Variants in FBXO34 observed in about 807,000 individuals in gnomAD.
FBXO34 encodes the protein F-box protein 34, also known as F-box only protein 34.
Under a neutral mutation model 24.5 loss-of-function variants are expected in FBXO34, and 12 were observed. That is an observed-to-expected ratio of 0.49 (90% confidence interval 0.31 to 0.79). The LOEUF (loss-of-function observed/expected upper bound fraction) is 0.79, where lower values mean the gene tolerates loss of function less well. Ranked by LOEUF, FBXO34 falls within the 30% of genes least tolerant of loss-of-function variation. The probability of loss-of-function intolerance (pLI) is 0.04; values close to 1 mark genes in which losing one functional copy is unlikely to be tolerated. For synonymous variants in FBXO34, 320 were observed against 311.9 expected, an observed-to-expected ratio of 1.03 and a Z score of -0.27; for missense variants, 823 against 857.7, an observed-to-expected ratio of 0.96 and a Z score of 0.51.
chr14:55,359,953 G>T (rs1339290382), intron 3 of FBXO34, among the ~76,000 whole-genome samples: 1 of 150,594 alleles, frequency 6.6e-6, no homozygotes, highest in East Asian at 1.9e-4. Context: ...GGTAGTGTAT[G>T]CCAATAGTCC....
Position 55,296,391 on chromosome 14 carries a change from GTTTTTTT to G in FBXO34, c.-11+24872_-11+24878del, listed in dbSNP as rs1167344634. ...GTTTTGCTGTTCTTGTGTTTTTTTT[GTTTTTTT>G]TTTTTTTTTTTTTTTTTGAGACAGT... On this transcript the variant is annotated intron_variant, in intron 1 of 1. Coordinates refer to ENST00000313833, the MANE Select transcript of FBXO34 (RefSeq NM_017943.4). Among the ~76,000 whole-genome samples, 84 of 64,756 alleles carry G rather than the reference GTTTTTTT, an allele frequency of 1.3e-3. 3 individuals carry two copies. In the South Asian group the frequency reaches 0.038, roughly 29 times the overall value. The allele number at this position is 64,756 out of a possible 152,430, so 42.5% of individuals were successfully genotyped here.
chr14:55,301,033 A>T (rs147236848), intron 1 of FBXO34, among the ~76,000 whole-genome samples: 1 of 152,330 alleles, frequency 6.6e-6, no homozygotes. Context: ...GAGAATTTGT[A>T]AGGTGAAATG....
At chr14:55,358,088 C>T (rs540858006), downstream of FBXO34, among the ~76,000 whole-genome samples, 4 of 152,050 alleles carry the variant, frequency 2.6e-5, no homozygotes, top group Admixed American at 6.5e-5. Context: ...CAATCCTCCC[C>T]TATACAGACA....
At chr14:55,385,154 A>G in the FBXO34 span, among the ~76,000 whole-genome samples, 1 of 152,226 alleles carries the variant, frequency 6.6e-6, no homozygotes, top group African/African-American at 2.4e-5. Context: ...TGTATTTGTC[A>G]TGATTTCTCT....
At chr14:55,411,151 A>G in the FBXO34 span, among the ~76,000 whole-genome samples, 2 of 152,240 alleles carry the variant, frequency 1.3e-5, no homozygotes, top group South Asian at 4.1e-4. Context: ...GTGACAGACT[A>G]CCAGGCCCAA....
chr14:55,289,844 G>A (rs141793791), intron 1 of FBXO34, among the ~76,000 whole-genome samples: 6 of 151,876 alleles, frequency 4.0e-5, no homozygotes, highest in African/African-American at 1.4e-4. Flanking sequence ...CCCAAGCCCA[G>A]TCACTGTCTA....
At chr14:55,382,303 T>C in the FBXO34 span, 2 of 845,618 alleles carry the variant, frequency 2.4e-6, no homozygotes, top group Non-Finnish European at 3.7e-6. Context: ...GCACAGAAAT[T>C]TTACATTAAA....
At chr14:55,285,859 G>T (rs1020480135) in intron 1 of FBXO34, among the ~76,000 whole-genome samples, 1 of 152,172 alleles carries the variant, frequency 6.6e-6, no homozygotes, top group East Asian at 1.9e-4. Flanking sequence ...TCATAATCCA[G>T]TGAGAATTCC....
the FBXO34 span, among the ~76,000 whole-genome samples, chr14:55,397,017 A>G: frequency 6.6e-6 from 1 of 152,254 alleles, no homozygotes; most frequent in African/African-American, 2.4e-5. Context: ...TGATATGGAC[A>G]AAAGAAGAAT....
the FBXO34 span, chr14:55,428,999 A>G: frequency 6.2e-7 from 1 of 1,612,920 alleles, no homozygotes; most frequent in Non-Finnish European, 8.5e-7. Context: ...ATATGTTTAA[A>G]GATGTCTTAA....
chr14:55,436,528 A>G, the FBXO34 span: 1 of 1,569,482 alleles, frequency 6.4e-7, no homozygotes, highest in Non-Finnish European at 8.8e-7. Context: ...TGTGTACCCA[A>G]TGTGCTCAAT....
the FBXO34 span, among the ~76,000 whole-genome samples, chr14:55,395,401 G>A: frequency 6.6e-6 from 1 of 152,230 alleles, no homozygotes; most frequent in Admixed American, 6.5e-5. Flanking sequence ...TGCCCAGGCT[G>A]GAGTGCTGTG....
chr14:55,435,859 T>G, the FBXO34 span: 7 of 1,567,230 alleles, frequency 4.5e-6, 1 homozygote, highest in Non-Finnish European at 6.0e-6. Context: ...TTGGGTTATA[T>G]TCTGCATTTT....
At chr14:55,312,672 T>A (rs1882787827) in intron 1 of FBXO34, among the ~76,000 whole-genome samples, 1 of 152,226 alleles carries the variant, frequency 6.6e-6, no homozygotes, top group Non-Finnish European at 1.5e-5. Flanking sequence ...CAACACCATG[T>A]GTAAGCTGCC....
chr14:55,368,886 T>TC (rs770670215), downstream of FBXO34: 4 of 152,340 alleles, frequency 2.6e-5, no homozygotes, highest in Non-Finnish European at 4.4e-5. Flanking sequence ...TAAGCTTAAT[T>TC]CCCCTCAGAA....
downstream of FBXO34, among the ~76,000 whole-genome samples, chr14:55,362,835 A>AT (rs557241814): frequency 6.6e-4 from 98 of 148,704 alleles, 1 homozygote; most frequent in South Asian, 0.011. Context: ...TGTCTTGACA[A>AT]TTTTTTTTTT....
At chr14:55,301,423 T>A (rs1882351089) in intron 1 of FBXO34, among the ~76,000 whole-genome samples, 1 of 149,868 alleles carries the variant, frequency 6.7e-6, no homozygotes, top group African/African-American at 2.5e-5. Flanking sequence ...GGTGACAAAG[T>A]GAGACTCTGT....
chr14:55,347,772 A>T (rs927945942), intron 1 of FBXO34, among the ~76,000 whole-genome samples: 1 of 152,262 alleles, frequency 6.6e-6, no homozygotes, highest in Non-Finnish European at 1.5e-5. Context: ...CTCTATCAAT[A>T]ATAGCACCTA....
At chr14:55,440,993 C>T in the FBXO34 span, among the ~76,000 whole-genome samples, 23 of 151,736 alleles carry the variant, frequency 1.5e-4, no homozygotes, top group Non-Finnish European at 2.5e-4. Flanking sequence ...ATTACAGGTA[C>T]GCACCACCAT....
Sources: gnomAD v4.1 joint callset for allele counts (sites outside exome capture counted in the v4.1 genomes callset) on GRCh38, gnomAD v4.1.1 for gene constraint, MANE v1.5 for transcripts, NCBI Gene and HGNC (gene_info 2026-07-23, HGNC 2026-07-21) for gene names.